C4orf54: variants seen among roughly 807,000 people sequenced by gnomAD.
The protein encoded by C4orf54 is chromosome 4 open reading frame 54.
In C4orf54, 67 loss-of-function variants were observed where a neutral mutation model predicts 80.1. The ratio of observed to expected loss-of-function variants is 0.84; its 90% confidence interval spans 0.69 to 1.03. The LOEUF is 1.03. Ranked by LOEUF, C4orf54 falls within the 50% of genes least tolerant of loss-of-function variation. The pLI is 0.00. For synonymous variants in C4orf54, 1,000 were observed against 917.0 expected, an observed-to-expected ratio of 1.09 and a Z score of -1.64; for missense variants, 2,434 against 2,253.5, an observed-to-expected ratio of 1.08 and a Z score of -1.62.
At chr4:99,655,524 A>G (rs866403912) in intron 1 of C4orf54, among the ~76,000 whole-genome samples, 3 of 152,226 alleles carry the variant, frequency 2.0e-5, no homozygotes, top group Non-Finnish European at 4.4e-5. Context: ...CTTACCCTTC[A>G]AGAGTACAGT....
intron 2 of C4orf54, among the ~76,000 whole-genome samples, chr4:99,648,837 C>T (rs1726742615): frequency 6.6e-6 from 1 of 152,112 alleles, no homozygotes; most frequent in Non-Finnish European, 1.5e-5. Context: ...TGTTCAGTGC[C>T]TCCTGTCCCT....
At position 99,654,415 on chromosome 4, in the gene C4orf54, C is replaced by T. The variant is rs928602368; in HGVS notation, c.234G>A (p.Ala78=). 7.5e-6 allele frequency: 6 copies of T among 803,418 alleles called. No homozygotes were observed. The highest frequency in any genetic ancestry group is 1.7e-5 in the African/African-American group (1 of 58,864). 49.8% of individuals were successfully genotyped at this position (803,418 alleles called of 1,614,324 possible). ...RSLPTSLRLA[A]APPQGLKNWE... is the part of the protein sequence containing the mutation. ...AGTTCTTCAGCCCCTGTGGCGGGGC[C>T]GCAGCAAGCCTGAGGGAGGTGGGAA... Residue 78 remains alanine, a synonymous_variant, in exon 2 of 3, where the codon GCG becomes GCA. Transcript: ENST00000511828.
In C4orf54 at chr4:99,653,066, C is replaced by G. The variant is rs757189270; in HGVS notation, c.1583G>C (p.Arg528Pro). Residue 528 changes from arginine to proline, a missense_variant, in exon 2 of 3, where the codon CGG (arginine) becomes CCG (proline). Transcript: ENST00000511828. ...QILLSIKPASRAINEPSNVRA... is the reference protein window; with the variant it reads ...QILLSIKPASPAINEPSNVRA... ...CACGTTGCTAGGCTCATTTATAGCC[C>G]GGGAAGCCGGTTTGATTGATAGGAG... 1.9e-4 allele frequency: 287 copies of G among 1,536,064 alleles called. 1 individual carries two copies. Among genetic ancestry groups the G allele is most frequent in the Non-Finnish European group, 1.2e-4 (134 of 1,146,916 alleles).
At position 99,651,947 on chromosome 4, in the gene C4orf54, C is replaced by T. The variant is rs1228597704; in HGVS notation, c.2702G>A (p.Ser901Asn). The T allele has an allele frequency of 2.6e-6, 4 of 1,536,166 alleles. No individual in the cohort carries two copies. Among genetic ancestry groups the T allele is most frequent in the Non-Finnish European group, 3.5e-6 (4 of 1,146,918 alleles). The change falls in exon 2 of 3, where the codon AGT (serine) becomes AAT (asparagine). Residue 901 changes from serine (S) to asparagine (N), a missense_variant. Transcript: ENST00000511828. ...GCCTGCGTTGCGCTCGCGAGGAGTA[C>T]TGGCTTTGAAGACTGGAGATTTGGA... The part of the protein sequence containing the change: ...AGSKSPVFKA[S>N]TPRERNAGPG...
intron 1 of C4orf54, among the ~76,000 whole-genome samples, chr4:99,655,248 AT>A (rs1452254009): frequency 1.2e-4 from 18 of 152,188 alleles, no homozygotes. Flanking sequence ...TAAAAGGGCA[AT>A]TTTCAAAGAC....
Position 99,644,276 on chromosome 4 carries a change from T to C in C4orf54, c.*37-3080A>G, listed in dbSNP as rs1297519993. 2.0e-5 allele frequency among the ~76,000 whole-genome samples: 3 copies of C among 152,216 alleles called. No individual in the cohort carries two copies. The East Asian group carries it at 5.8e-4, about 29-fold the overall frequency. On this transcript the variant is annotated intron_variant, in intron 2 of 2. Transcript: ENST00000511828. ...TGGTATATACTAAATGATTAATACA[T>C]ACTAGCTTTTACTTTTAATTTCTTA...
rs537849816 is a variant in C4orf54, at chr4:99,652,553, C to G, written c.2096G>C (p.Arg699Pro). ...GATGTAGAGCTGGTCGGCAGTGGCCCGGGCCCCACTGCCCTTCCTCAGACC... is the reference window on the plus strand; with the variant it reads ...GATGTAGAGCTGGTCGGCAGTGGCCGGGGCCCCACTGCCCTTCCTCAGACC... ...AAGLRKGSGA[R>P]ATADQLYIQS... Residue 699 changes from arginine (R) to proline (P), a missense_variant, in exon 2 of 3, where the codon CGG becomes CCG. Transcript: ENST00000511828. 100 of 1,535,940 alleles carry G rather than the reference C, an allele frequency of 6.5e-5. No homozygotes were observed. Among genetic ancestry groups the G allele is most frequent in the South Asian group, 1.7e-4 (14 of 84,070 alleles).
Position 99,638,837 on chromosome 4 carries a change from C to T in C4orf54, c.*2396G>A, listed in dbSNP as rs970622441. On this transcript the variant is annotated 3_prime_UTR_variant, in exon 3 of 3. Transcript: ENST00000511828. ...GTGAAATAGAGAACCATAAAATTAT[C>T]GATAGATGACATGATATTAATAGAA... 1 of 152,068 alleles carries T rather than the reference C, an allele frequency of 6.6e-6. No individual in the cohort carries two copies. The highest frequency in any genetic ancestry group is 1.5e-5 in the Non-Finnish European group (1 of 67,980). 9.4% of individuals were successfully genotyped at this position (152,068 alleles called of 1,614,324 possible).
At chr4:99,655,072 C>T (rs1726957604) in intron 1 of C4orf54, among the ~76,000 whole-genome samples, 2 of 152,138 alleles carry the variant, frequency 1.3e-5, no homozygotes, top group South Asian at 4.1e-4. Flanking sequence ...CTATGCATTT[C>T]TTTTTCTTTG....
rs747182394 is a variant in C4orf54, at chr4:99,650,861, G to A, written c.3788C>T (p.Ser1263Phe). 1.3e-6 allele frequency: 2 copies of A among 1,536,026 alleles called. No individual in the cohort carries two copies. Among genetic ancestry groups the A allele is most frequent in the African/African-American group, 1.4e-5 (1 of 73,028 alleles). Residue 1263 changes from serine (S) to phenylalanine (F), a missense_variant, in exon 2 of 3, where the codon TCC (serine) becomes TTC (phenylalanine). Coordinates refer to ENST00000511828, the MANE Select transcript of C4orf54 (RefSeq NM_001354435.2). The part of the protein sequence containing the change: ...ALEKLTAAVR[S>F]MEELYSFNRN... ...GTTGAAGCTGTACAGCTCTTCCATG[G>A]ACCTCACGGCTGCAGTCAGCTTCTC...
At chr4:99,656,204 G>T (rs1443860858) in intron 1 of C4orf54, among the ~76,000 whole-genome samples, 3 of 151,582 alleles carry the variant, frequency 2.0e-5, no homozygotes, top group African/African-American at 7.3e-5. Context: ...GAGAATGAAA[G>T]AGTAAAGAGC....
In C4orf54 at chr4:99,651,997, C is replaced by T. The variant is rs1317950059; in HGVS notation, c.2652G>A (p.Ala884=). ...SEYTVVSMSD[A]GGEGSVAGSK... ...AGCCCGCCACGGACCCCTCCCCGCC[C>T]GCGTCGGACATGCTGACCACTGTGT... Residue 884 remains alanine (A), a synonymous_variant, in exon 2 of 3, where the codon GCG becomes GCA. Coordinates refer to ENST00000511828, the MANE Select transcript of C4orf54 (RefSeq NM_001354435.2). The T allele has an allele frequency of 3.3e-6, 5 of 1,536,022 alleles. No individual in the cohort carries two copies. Among genetic ancestry groups the T allele is most frequent in the South Asian group, 1.2e-5 (1 of 84,070 alleles).
rs1000944835 is a variant in C4orf54 at position 99,652,152 on chromosome 4, C to T, written c.2497G>A (p.Glu833Lys). ...REHEFKMERG[E>K]VMDTSHHLSG... ...AGGTGGTGGGATGTATCCATGACTT[C>T]TCCCCTCTCCATTTTGAACTCGTGT... Residue 833 changes from glutamate (E) to lysine (K), a missense_variant, in exon 2 of 3, where the codon GAA becomes AAA. By Grantham distance (56) the Glu-to-Lys change is moderately conservative (BLOSUM62 1). Coordinates refer to ENST00000511828, the MANE Select transcript of C4orf54 (RefSeq NM_001354435.2). 1 of 1,536,096 alleles carries T rather than the reference C, an allele frequency of 6.5e-7. No homozygotes were observed. Among genetic ancestry groups the T allele is most frequent in the Non-Finnish European group, 8.7e-7 (1 of 1,146,884 alleles).
In C4orf54 at chr4:99,650,633, C is replaced by A; in HGVS notation, c.4016G>T (p.Arg1339Leu). The change falls in exon 2 of 3, where the codon CGT (arginine) becomes CTT (leucine). Residue 1339 changes from arginine to leucine, a missense_variant. Coordinates refer to ENST00000511828, the MANE Select transcript of C4orf54 (RefSeq NM_001354435.2). Reference sequence around the variant, plus strand: ...GGGGTTGGAGTTTCTCCGCTGCAGACGTTCTATGGGGGCCCCTCGCAGGAC... The same window carrying A: ...GGGGTTGGAGTTTCTCCGCTGCAGAAGTTCTATGGGGGCCCCTCGCAGGAC... ...GVVLRGAPIE[R>L]LQRRNSNPSA... The A allele has an allele frequency of 6.5e-7, 1 of 1,536,012 alleles. No individual in the cohort carries two copies. Among genetic ancestry groups the A allele is most frequent in the Non-Finnish European group, 8.7e-7 (1 of 1,146,888 alleles).
At chr4:99,644,357 G>C (rs1309044980) in intron 2 of C4orf54, among the ~76,000 whole-genome samples, 1 of 151,784 alleles carries the variant, frequency 6.6e-6, no homozygotes, top group Non-Finnish European at 1.5e-5. Flanking sequence ...CGTGAAGAAA[G>C]GTACAAAATA....
Position 99,653,107 on chromosome 4 carries a change from A to T in C4orf54, c.1542T>A (p.Ser514Arg). 1 of 1,536,084 alleles carries T rather than the reference A, an allele frequency of 6.5e-7. No individual in the cohort carries two copies. Among genetic ancestry groups the T allele is most frequent in the Non-Finnish European group, 8.7e-7 (1 of 1,146,880 alleles). The change falls in exon 2 of 3, where the codon AGT (serine) becomes AGA (arginine). Residue 514 changes from serine to arginine, a missense_variant. Physicochemically the swap from Ser to Arg is moderately radical, Grantham distance 110. Transcript: ENST00000511828. ...AAAAAASSCG[S>R]AASQILLSIK... is the part of the protein sequence containing the mutation. ...TTGATAGGAGGATCTGGCTTGCTGC[A>T]CTCCCACAGCTGCTTGCGGCGGCGG... is the stretch of plus-strand genomic sequence containing the variant.
At position 99,652,032 on chromosome 4, in the gene C4orf54, C is replaced by T. The variant is rs139641765; in HGVS notation, c.2617G>A (p.Gly873Ser). 85 of 1,536,012 alleles carry T rather than the reference C, an allele frequency of 5.5e-5. No individual in the cohort carries two copies. Among genetic ancestry groups the T allele is most frequent in the Non-Finnish European group, 6.5e-5 (75 of 1,146,906 alleles). ...QRQSSRHSEA[G>S]SEYTVVSMSD... is the part of the protein sequence containing the mutation. Reference sequence around the variant, plus strand: ...ATGCTGACCACTGTGTACTCGGAGCCGGCCTCGGAGTGACGAGAGCTCTGC... The same window carrying T: ...ATGCTGACCACTGTGTACTCGGAGCTGGCCTCGGAGTGACGAGAGCTCTGC... The change falls in exon 2 of 3, where the codon GGC becomes AGC. Residue 873 changes from glycine (G) to serine (S), a missense_variant. Gly to Ser is a moderately conservative substitution (Grantham distance 56). Coordinates refer to ENST00000511828, the MANE Select transcript of C4orf54 (RefSeq NM_001354435.2).
chr4:99,655,213 A>T (rs1482729341), intron 1 of C4orf54, among the ~76,000 whole-genome samples: 1 of 152,216 alleles, frequency 6.6e-6, no homozygotes, highest in Non-Finnish European at 1.5e-5. Context: ...CTCTCCTAGA[A>T]TCCTTACTGT....
At position 99,637,697 on chromosome 4, in the gene C4orf54, A is replaced by G. The variant is rs780549831; in HGVS notation, c.*3536T>C. 6 of 152,092 alleles carry G rather than the reference A, an allele frequency of 3.9e-5. No homozygotes were observed. Among genetic ancestry groups the G allele is most frequent in the Admixed American group, 1.3e-4 (2 of 15,252 alleles). The allele number at this position is 152,092 out of a possible 1,614,324, so 9.4% of individuals were successfully genotyped here. A position where few individuals can be genotyped will look rare whatever the true frequency, so the allele number is the denominator to read the frequency against. On this transcript the variant is annotated 3_prime_UTR_variant, in exon 3 of 3. Transcript: ENST00000511828. Reference sequence around the variant, plus strand: ...ACTTACACAAAAAATTTCCCCCTCAACAGTACTGATAAAATACAGGGCACC... The same window carrying G: ...ACTTACACAAAAAATTTCCCCCTCAGCAGTACTGATAAAATACAGGGCACC...
Sources: allele counts gnomAD v4.1 joint callset (sites outside exome capture counted in the v4.1 genomes callset), GRCh38; gene constraint gnomAD v4.1.1; transcripts MANE v1.5; gene names NCBI Gene and HGNC (gene_info 2026-07-23, HGNC 2026-07-21).